Variants in DACH1 observed in about 807,000 individuals in gnomAD.
DACH1 encodes the protein dachshund family transcription factor 1.
DACH1 carries 12 observed loss-of-function variants against 54.2 expected under a neutral mutation model. The ratio of observed to expected loss-of-function variants is 0.22; its 90% confidence interval spans 0.14 to 0.36. The LOEUF (loss-of-function observed/expected upper bound fraction) is 0.36, where lower values mean the gene tolerates loss of function less well. DACH1 is among the 10% of genes least tolerant of loss of function. DACH1 has a pLI of 1.00. For synonymous variants in DACH1, 386 were observed against 366.2 expected (o/e 1.05, Z -0.62); for missense variants, 805 against 929.8 (o/e 0.87, Z 1.75).
intron 10 of DACH1, among the ~76,000 whole-genome samples, chr13:71,456,280 A>C (rs1875557156): frequency 6.6e-6 from 1 of 152,150 alleles, no homozygotes; most frequent in Non-Finnish European, 1.5e-5. Context: ...GAAAGAAGAT[A>C]AATGCTGATA....
chr13:71,811,772 G>A (rs1368699466), intron 1 of DACH1, among the ~76,000 whole-genome samples: 1 of 152,172 alleles, frequency 6.6e-6, no homozygotes. Flanking sequence ...TCCTACTTCT[G>A]TAAAGTGGGG....
At chr13:71,528,224 T>C (rs912923493) in intron 6 of DACH1, among the ~76,000 whole-genome samples, 1 of 152,124 alleles carries the variant, frequency 6.6e-6, no homozygotes, top group Non-Finnish European at 1.5e-5. Context: ...AAAAGTTGTT[T>C]AGAATAATTC....
At chr13:71,473,121 A>T (rs191539199) in intron 10 of DACH1, among the ~76,000 whole-genome samples, 42 of 152,352 alleles carry the variant, frequency 2.8e-4, no homozygotes, top group African/African-American at 9.6e-4. Context: ...GGGAAAAGTC[A>T]TATTATCTGA....
chr13:71,676,053 TC>T (rs1185771692), intron 2 of DACH1, among the ~76,000 whole-genome samples: 1 of 152,210 alleles, frequency 6.6e-6, no homozygotes, highest in Non-Finnish European at 1.5e-5. Context: ...TGAGATTTAT[TC>T]TTTGGGTAAG....
At chr13:71,485,817 G>A (rs1221581457) in intron 7 of DACH1, among the ~76,000 whole-genome samples, 1 of 151,398 alleles carries the variant, frequency 6.6e-6, no homozygotes, top group Non-Finnish European at 1.5e-5. Flanking sequence ...TCTGGACCTT[G>A]AGATCCACCC....
intron 1 of DACH1, among the ~76,000 whole-genome samples, chr13:71,771,406 A>T (rs1205019795): frequency 6.6e-6 from 1 of 151,468 alleles, no homozygotes; most frequent in Non-Finnish European, 1.5e-5. Context: ...CTGAGATACA[A>T]GTCGGCCACG....
intron 1 of DACH1, among the ~76,000 whole-genome samples, chr13:71,785,740 T>C (rs528376293): frequency 4.6e-5 from 7 of 152,288 alleles, no homozygotes; most frequent in South Asian, 2.1e-4. Context: ...CCTAGAAAGG[T>C]ATCTTCACTT....
intron 1 of DACH1, among the ~76,000 whole-genome samples, chr13:71,692,505 CCTTTTTTT>C (rs1881552914): frequency 1.4e-5 from 1 of 72,288 alleles, no homozygotes; most frequent in African/African-American, 5.5e-5. Flanking sequence ...TCTTTTCTTT[CCTTTTTTT>C]TTTTTTTTTT....
rs1203084020 is a variant in DACH1, at chr13:71,779,287, A to ATACG, written c.848+86634_848+86635insCGTA. The stretch of plus-strand genomic sequence containing the variant: ...TGTGTATATATACGTATATACGTAT[A>ATACG]TATACACATATATATATTTATATAC... On this transcript the variant is annotated intron_variant, in intron 1 of 10. Transcript: ENST00000613252. Among the ~76,000 whole-genome samples the ATACG allele has an allele frequency of 3.8e-4, 52 of 136,866 alleles. 1 individual carries two copies. Among genetic ancestry groups the ATACG allele is most frequent in the African/African-American group, 1.5e-3 (50 of 32,496 alleles). The allele number at this position is 136,866 out of a possible 152,430, so 89.8% of individuals were successfully genotyped here.
intron 1 of DACH1, among the ~76,000 whole-genome samples, chr13:71,855,036 T>C (rs894672058): frequency 1.8e-4 from 28 of 152,086 alleles, no homozygotes; most frequent in Admixed American, 1.2e-3. Context: ...TAGATGATCA[T>C]GACTTATGAT....
At chr13:71,598,045 A>T (rs1346094367) in intron 3 of DACH1, among the ~76,000 whole-genome samples, 4 of 150,340 alleles carry the variant, frequency 2.7e-5, no homozygotes, top group Admixed American at 6.7e-5. Context: ...GCTCCTCTCC[A>T]CTCCAGTCTG....
chr13:71,755,259 G>A (rs1259881264), intron 1 of DACH1, among the ~76,000 whole-genome samples: 2 of 152,096 alleles, frequency 1.3e-5, no homozygotes, highest in East Asian at 3.9e-4. Context: ...CATGAGTTGA[G>A]GAAAAAAAGA....
chr13:71,741,958 A>G (rs1317522493), intron 1 of DACH1, among the ~76,000 whole-genome samples: 3 of 152,118 alleles, frequency 2.0e-5, no homozygotes, highest in East Asian at 3.9e-4. Context: ...CCGCCTCCCA[A>G]ATTTCAACTT....
At chr13:71,756,155 C>T (rs1007222280) in intron 1 of DACH1, among the ~76,000 whole-genome samples, 6 of 152,012 alleles carry the variant, frequency 3.9e-5, no homozygotes, top group East Asian at 1.9e-4. Context: ...CTCAGTCTCC[C>T]GAGTACCTGG....
At chr13:71,467,938 G>C (rs1463048931) in intron 10 of DACH1, among the ~76,000 whole-genome samples, 1 of 152,118 alleles carries the variant, frequency 6.6e-6, no homozygotes, top group Non-Finnish European at 1.5e-5. Flanking sequence ...TCAATATGCA[G>C]TGCAGGCAGC....
At chr13:71,505,107 G>C (rs1215539520) in intron 6 of DACH1, among the ~76,000 whole-genome samples, 1 of 151,426 alleles carries the variant, frequency 6.6e-6, no homozygotes, top group Non-Finnish European at 1.5e-5. Flanking sequence ...CTTTCTTTCT[G>C]GAGTCTTACT....
At chr13:71,504,711 A>G (rs1880178384) in intron 6 of DACH1, among the ~76,000 whole-genome samples, 2 of 152,204 alleles carry the variant, frequency 1.3e-5, no homozygotes. Flanking sequence ...TATCATGAGA[A>G]TATAGAACCA....
At chr13:71,598,306 G>A (rs1239461352) in intron 3 of DACH1, among the ~76,000 whole-genome samples, 1 of 152,020 alleles carries the variant, frequency 6.6e-6, no homozygotes, top group East Asian at 1.9e-4. Context: ...CCACCCTGGA[G>A]TGCAGTGGCG....
chr13:71,539,863 G>A (rs1321718702), intron 6 of DACH1, among the ~76,000 whole-genome samples: 2 of 151,910 alleles, frequency 1.3e-5, no homozygotes, highest in Non-Finnish European at 2.9e-5. Context: ...CAAAGAATGC[G>A]GTCATGAAAG....
Sources: gnomAD v4.1 joint callset for allele counts (sites outside exome capture counted in the v4.1 genomes callset) on GRCh38, gnomAD v4.1.1 for gene constraint, MANE v1.5 for transcripts, NCBI Gene and HGNC (gene_info 2026-07-23, HGNC 2026-07-21) for gene names.